Variants in PCDHA7 observed in about 807,000 individuals in gnomAD.
The protein encoded by PCDHA7 is protocadherin alpha 7, also known as protocadherin alpha-7.
In PCDHA7, 37 loss-of-function variants were observed where a neutral mutation model predicts 57.2. The observed-to-expected ratio is 0.65, with a 90% CI of 0.50 to 0.85. The LOEUF is 0.85. Ranked by LOEUF, PCDHA7 falls within the 40% of genes least tolerant of loss-of-function variation. The pLI, the probability that PCDHA7 is intolerant of heterozygous loss-of-function variation, is 0.00. For synonymous variants in PCDHA7, 553 were observed against 558.8 expected (o/e 0.99, Z 0.15); for missense variants, 1,188 against 1,241.8 (o/e 0.96, Z 0.65).
chr5:140,928,801 G>C, intron 1 of PCDHA7: 1 of 1,614,184 alleles, frequency 6.2e-7, no homozygotes, highest in Non-Finnish European at 8.5e-7. Context: ...GGTGGTGGTA[G>C]TGGTTCGGGA....
chr5:140,905,086 G>A (rs1454643340), intron 1 of PCDHA7, among the ~76,000 whole-genome samples: 1 of 152,056 alleles, frequency 6.6e-6, no homozygotes, highest in Non-Finnish European at 1.5e-5. Flanking sequence ...CTTTCTTTTG[G>A]GTTCTCAGTC....
intron 1 of PCDHA7, among the ~76,000 whole-genome samples, chr5:140,838,075 ATAGT>A (rs1236223360): frequency 0.032 from 4,047 of 127,880 alleles, 62 homozygotes; most frequent in African/African-American, 0.052. Context: ...TTATATATAT[ATAGT>A]GTGTGTGTGT....
At position 141,009,762 on chromosome 5, in the gene PCDHA7, C is replaced by G. The variant is rs2154001658; in HGVS notation, c.2639C>G (p.Ser880Cys). Reference sequence around the variant, plus strand: ...CCCGACAAATTCATTATCCCAGGATCTCCTGCAATCATCTCCATCCGGCAG... The same window carrying G: ...CCCGACAAATTCATTATCCCAGGATGTCCTGCAATCATCTCCATCCGGCAG... Reference protein sequence around the residue: ...ELPDKFIIPGSPAIISIRQEP... With the variant: ...ELPDKFIIPGCPAIISIRQEP... The change falls in exon 4 of 4, where the codon TCT becomes TGT. Residue 880 changes from serine (S) to cysteine (C), a missense_variant. Coordinates refer to ENST00000525929, the MANE Select transcript of PCDHA7 (RefSeq NM_018910.3). 5 of 1,614,180 alleles carry G rather than the reference C, an allele frequency of 3.1e-6. No homozygotes were observed. In the East Asian group the frequency reaches 1.1e-4, roughly 36 times the overall value.
intron 1 of PCDHA7, among the ~76,000 whole-genome samples, chr5:140,912,341 G>GT (rs1430124831): frequency 9.5e-5 from 12 of 126,362 alleles, no homozygotes; most frequent in African/African-American, 4.2e-4. Flanking sequence ...AGTACACTAA[G>GT]TATTTTTTTT....
intron 1 of PCDHA7, among the ~76,000 whole-genome samples, chr5:140,935,985 C>T (rs155825): frequency 0.32 from 47,782 of 150,880 alleles, 7,901 homozygotes; most frequent in East Asian, 0.53. Context: ...CTCTGCCTCC[C>T]GGGTTCAAGC....
At position 140,858,002 on chromosome 5, in the gene PCDHA7, G is replaced by A. The variant is rs782820218; in HGVS notation, c.2355+21264G>A. On this transcript the variant is annotated intron_variant, in intron 1 of 3. Transcript: ENST00000525929. The stretch of plus-strand genomic sequence containing the variant: ...CCAGCGCCTACTGGTGCTGGTGAAG[G>A]ACCATGGCGAGCCGTCGCTGACGGC... 1.9e-6 allele frequency: 3 copies of A among 1,596,800 alleles called. No homozygotes were observed. The Admixed American group carries it at 5.1e-5, about 27-fold the overall frequency.
chr5:140,942,237 T>C (rs2153657846), intron 1 of PCDHA7, among the ~76,000 whole-genome samples: 1 of 152,214 alleles, frequency 6.6e-6, no homozygotes, highest in East Asian at 1.9e-4. Context: ...GCAAATAAGA[T>C]ATCCATATCA....
chr5:140,869,183 G>A, intron 1 of PCDHA7: 1 of 1,613,958 alleles, frequency 6.2e-7, no homozygotes, highest in Non-Finnish European at 8.5e-7. Flanking sequence ...TGGGAGGTGG[G>A]GAGCGGCCAG....
chr5:140,941,256 T>TTTC (rs2092982969), intron 1 of PCDHA7, among the ~76,000 whole-genome samples: 1 of 45,974 alleles, frequency 2.2e-5, no homozygotes, highest in African/African-American at 7.5e-5. Flanking sequence ...TCTTTCTTTC[T>TTTC]CTTTCTTTCT....
chr5:140,881,459 A>G (rs1172310253), intron 1 of PCDHA7: 2 of 672,234 alleles, frequency 3.0e-6, no homozygotes, highest in Non-Finnish European at 3.7e-6. Flanking sequence ...AAAACCTTAG[A>G]GCATTGTTGT....
At chr5:140,894,363 C>T (rs971503382) in intron 1 of PCDHA7, among the ~76,000 whole-genome samples, 1 of 151,968 alleles carries the variant, frequency 6.6e-6, no homozygotes, top group Admixed American at 6.5e-5. Context: ...ATTTCTTCTT[C>T]AATGGCTCCA....
chr5:140,917,633 A>T (rs537704186), intron 1 of PCDHA7, among the ~76,000 whole-genome samples: 1 of 152,268 alleles, frequency 6.6e-6, no homozygotes, highest in East Asian at 1.9e-4. Context: ...ATGGTTAGCT[A>T]GTTATCCCAG....
At chr5:140,837,917 G>A (rs1390684989) in intron 1 of PCDHA7, among the ~76,000 whole-genome samples, 2 of 151,626 alleles carry the variant, frequency 1.3e-5, no homozygotes, top group African/African-American at 4.9e-5. Flanking sequence ...GGCTTCAAGC[G>A]ATCCTCCTAC....
At chr5:140,895,103 T>C (rs1459301220) in intron 1 of PCDHA7, among the ~76,000 whole-genome samples, 3 of 152,204 alleles carry the variant, frequency 2.0e-5, no homozygotes, top group Non-Finnish European at 4.4e-5. Flanking sequence ...GGGTTTTTGC[T>C]ACAAGAAGAC....
chr5:140,858,650 T>G, intron 1 of PCDHA7: 2 of 822,762 alleles, frequency 2.4e-6, no homozygotes, highest in South Asian at 3.9e-5. Context: ...GGTACTTAAA[T>G]TTTTTTAAAT....
chr5:140,862,359 C>A lies in PCDHA7; in HGVS notation c.2355+25621C>A, dbSNP rs1364549064. ...CCTAACTTCAGTGCCAAGGGACAGA[C>A]GACCCGCACCCTGACTCCTCACGTC... On this transcript the variant is annotated intron_variant, in intron 1 of 3. Coordinates refer to ENST00000525929, the MANE Select transcript of PCDHA7 (RefSeq NM_018910.3). 17 of 337,738 alleles carry A rather than the reference C, an allele frequency of 5.0e-5. No individual in the cohort carries two copies. In the East Asian group the frequency reaches 1.2e-3, roughly 24 times the overall value. The allele number at this position is 337,738 out of a possible 1,614,324, so 20.9% of individuals were successfully genotyped here.
At chr5:140,937,824 A>G (rs1229119616) in intron 1 of PCDHA7, among the ~76,000 whole-genome samples, 1 of 151,696 alleles carries the variant, frequency 6.6e-6, no homozygotes, top group African/African-American at 2.4e-5. Context: ...AGGCAGGAGA[A>G]TGGCATGAAC....
chr5:140,857,982 G>C lies in PCDHA7; in HGVS notation c.2355+21244G>C, dbSNP rs782329809. The C allele has an allele frequency of 6.9e-6, 11 of 1,596,698 alleles. No individual in the cohort carries two copies. In the Admixed American group the frequency reaches 1.9e-4, roughly 27 times the overall value. ...GATGAGACTGACTCGCCACGCCAGC[G>C]CCTACTGGTGCTGGTGAAGGACCAT... On this transcript the variant is annotated intron_variant, in intron 1 of 3. Transcript: ENST00000525929.
intron 2 of PCDHA7, among the ~76,000 whole-genome samples, chr5:140,979,939 T>A (rs2096870929): frequency 6.6e-6 from 1 of 152,210 alleles, no homozygotes; most frequent in African/African-American, 2.4e-5. Context: ...ATGTGTAGAG[T>A]TAATGTGAAA....
Sources: allele counts gnomAD v4.1 joint callset (sites outside exome capture counted in the v4.1 genomes callset), GRCh38; gene constraint gnomAD v4.1.1; transcripts MANE v1.5; gene names NCBI Gene and HGNC (gene_info 2026-07-23, HGNC 2026-07-21).